Variants in PARD3B observed in about 807,000 individuals in gnomAD.
The protein encoded by PARD3B is partitioning defective 3 homolog B.
Under a neutral mutation model 130.2 loss-of-function variants are expected in PARD3B, and 103 were observed. The observed-to-expected ratio is 0.79, with a 90% CI of 0.67 to 0.93. PARD3B has a LOEUF of 0.93. Among genes scored for constraint, PARD3B ranks in the 40% least tolerant of loss-of-function variants. The pLI, the probability that PARD3B is intolerant of heterozygous loss-of-function variation, is 0.00. For synonymous variants in PARD3B, 583 were observed against 553.2 expected, an observed-to-expected ratio of 1.05 and a Z score of -0.76; for missense variants, 1,609 against 1,499.2, an observed-to-expected ratio of 1.07 and a Z score of -1.21.
At chr2:205,503,873 T>G (rs1395693823) in intron 21 of PARD3B, among the ~76,000 whole-genome samples, 3 of 152,172 alleles carry the variant, frequency 2.0e-5, no homozygotes, top group Non-Finnish European at 4.4e-5. Context: ...GTAGTTCTCC[T>G]TGAAGAGGTC....
At chr2:205,377,244 C>T (rs1416344065) in intron 18 of PARD3B, among the ~76,000 whole-genome samples, 2 of 152,104 alleles carry the variant, frequency 1.3e-5, no homozygotes, top group Non-Finnish European at 2.9e-5. Flanking sequence ...TTCCCTCTAA[C>T]AGGAAAACAT....
chr2:205,273,357 T>C (rs777243923), intron 16 of PARD3B, among the ~76,000 whole-genome samples: 1 of 152,242 alleles, frequency 6.6e-6, no homozygotes, highest in Non-Finnish European at 1.5e-5. Flanking sequence ...TTCGCTCCTT[T>C]GTTATACTTA....
At chr2:205,020,401 TA>T (rs1255346907) in intron 3 of PARD3B, among the ~76,000 whole-genome samples, 1 of 152,158 alleles carries the variant, frequency 6.6e-6, no homozygotes, top group Non-Finnish European at 1.5e-5. Context: ...TACAATTTGA[TA>T]TTGCACATAA....
At position 205,253,297 on chromosome 2, in the gene PARD3B, A is replaced by G. The variant is rs1312381893; in HGVS notation, c.2185+7475A>G. The G allele has an allele frequency of 2.0e-6, 1 of 497,810 alleles. No individual in the cohort carries two copies. Among genetic ancestry groups the G allele is most frequent in the East Asian group, 5.4e-5 (1 of 18,474 alleles). 30.8% of individuals were successfully genotyped at this position (497,810 alleles called of 1,614,324 possible). ...CTTAAGAGTAAAATGTATTAACACA[A>G]AGGCTCTGGCCGCCCCCCTACAAAG... On this transcript the variant is annotated intron_variant, in intron 16 of 22. Coordinates refer to ENST00000406610, the MANE Select transcript of PARD3B (RefSeq NM_001302769.2). The surrounding 1 kb of genome is among the most constrained non-coding windows in gnomAD (Gnocchi z 4.4).
In PARD3B at chr2:204,998,396, GTATA is replaced by G. The variant is rs1350538784; in HGVS notation, c.394+33077_394+33080del. On this transcript the variant is annotated intron_variant, in intron 3 of 22. Transcript: ENST00000406610. ...TGTGTATATATGTGTGTGTATATATGTATATATGTGTATATATATGTATATATGT... is the reference window on the plus strand; with the variant it reads ...TGTGTATATATGTGTGTGTATATATGTATGTGTATATATATGTATATATGT... Among the ~76,000 whole-genome samples the G allele has an allele frequency of 1.2e-3, 73 of 59,068 alleles. 1 individual carries two copies. Among genetic ancestry groups the G allele is most frequent in the African/African-American group, 1.9e-3 (23 of 11,882 alleles). The allele number at this position is 59,068 out of a possible 152,430, so 38.8% of individuals were successfully genotyped here. A position where few individuals can be genotyped will look rare whatever the true frequency, so the allele number is the denominator to read the frequency against.
At chr2:205,199,684 G>A (rs1488101197) in intron 15 of PARD3B, among the ~76,000 whole-genome samples, 4 of 152,112 alleles carry the variant, frequency 2.6e-5, no homozygotes, top group South Asian at 2.1e-4. Flanking sequence ...CAGGTGGAAA[G>A]CAAAGCCACT....
At chr2:205,035,814 T>C (rs1249670949) in intron 3 of PARD3B, among the ~76,000 whole-genome samples, 6 of 14,890 alleles carry the variant, frequency 4.0e-4, no homozygotes, top group Non-Finnish European at 6.2e-4. Flanking sequence ...TATATATATA[T>C]ATATATCTAT....
intron 16 of PARD3B, among the ~76,000 whole-genome samples, chr2:205,270,198 C>T (rs2040667046): frequency 6.6e-6 from 1 of 152,074 alleles, no homozygotes; most frequent in Non-Finnish European, 1.5e-5. Flanking sequence ...ATAATAATAT[C>T]TAAATACAGG....
At position 205,111,249 on chromosome 2, in the gene PARD3B, T is replaced by G. The variant is rs79998914; in HGVS notation, c.594-2242T>G. On this transcript the variant is annotated intron_variant, in intron 5 of 22. Coordinates refer to ENST00000406610, the MANE Select transcript of PARD3B (RefSeq NM_001302769.2). The stretch of plus-strand genomic sequence containing the variant: ...CTGCTAGGCTTTTTTTCTGGGCTAG[T>G]ACTATTTTTGTGATAATAATTTAAA... Among the ~76,000 whole-genome samples, 1,191 of 152,164 alleles carry G rather than the reference T, an allele frequency of 7.8e-3. 17 individuals carry two copies. Among genetic ancestry groups the G allele is most frequent in the East Asian group, 0.038 (197 of 5,180 alleles).
At chr2:205,484,825 T>A (rs1439413096) in intron 20 of PARD3B, among the ~76,000 whole-genome samples, 1 of 152,216 alleles carries the variant, frequency 6.6e-6, no homozygotes, top group Non-Finnish European at 1.5e-5. Context: ...AAAGGCATAA[T>A]TGACATCATG....
At chr2:205,612,270 A>C (rs780599282) in intron 22 of PARD3B, among the ~76,000 whole-genome samples, 1 of 152,016 alleles carries the variant, frequency 6.6e-6, no homozygotes, top group Non-Finnish European at 1.5e-5. Context: ...CTCCTGCCTT[A>C]GCCTCCCGAG....
chr2:204,597,110 G>A (rs1187205950), intron 1 of PARD3B, among the ~76,000 whole-genome samples: 2 of 152,138 alleles, frequency 1.3e-5, no homozygotes. Flanking sequence ...TTGGGTATGG[G>A]AAATTAGCTT....
intron 22 of PARD3B, among the ~76,000 whole-genome samples, chr2:205,565,910 CAAAAA>C (rs78064685): frequency 4.7e-5 from 3 of 63,682 alleles, no homozygotes; most frequent in African/African-American, 1.1e-4. Context: ...CTGCCCATTA[CAAAAA>C]AAAAAAAAAA....
chr2:204,667,374 T>A (rs1275775087), intron 1 of PARD3B, among the ~76,000 whole-genome samples: 1 of 152,114 alleles, frequency 6.6e-6, no homozygotes, highest in Non-Finnish European at 1.5e-5. Flanking sequence ...TACCTCAAAT[T>A]CCTCAGATAT....
At chr2:204,721,960 ACT>A (rs1229251028) in intron 2 of PARD3B, among the ~76,000 whole-genome samples, 3 of 152,238 alleles carry the variant, frequency 2.0e-5, no homozygotes, top group Middle Eastern at 3.4e-3. Context: ...ACTGTAAGAA[ACT>A]CTAATGATAT....
At chr2:205,068,443 A>G (rs1271391278) in intron 4 of PARD3B, among the ~76,000 whole-genome samples, 1 of 152,102 alleles carries the variant, frequency 6.6e-6, no homozygotes, top group Non-Finnish European at 1.5e-5. Flanking sequence ...TATTAGTTTA[A>G]AAAATTGTTT....
At chr2:205,372,454 T>C (rs1221980417) in intron 18 of PARD3B, among the ~76,000 whole-genome samples, 1 of 152,210 alleles carries the variant, frequency 6.6e-6, no homozygotes, top group Non-Finnish European at 1.5e-5. Context: ...CTTGTGCTCA[T>C]TGAAAATTTG....
intron 1 of PARD3B, among the ~76,000 whole-genome samples, chr2:204,579,445 A>G (rs1383642130): frequency 6.6e-6 from 1 of 151,938 alleles, no homozygotes; most frequent in Non-Finnish European, 1.5e-5. Context: ...GATGAACACA[A>G]CCCTGGGAAC....
At chr2:205,605,715 C>T (rs559700919) in intron 22 of PARD3B, among the ~76,000 whole-genome samples, 1 of 152,272 alleles carries the variant, frequency 6.6e-6, no homozygotes, top group South Asian at 2.1e-4. Flanking sequence ...AGGGTCTCAC[C>T]CAGTCAGGAG....
Sources: gnomAD v4.1 joint callset for allele counts (sites outside exome capture counted in the v4.1 genomes callset) on GRCh38, gnomAD v4.1.1 for gene constraint, Gnocchi (gnomAD v3.1) non-coding constraint, MANE v1.5 for transcripts, NCBI Gene and HGNC (gene_info 2026-07-23, HGNC 2026-07-21) for gene names.